GALK2: variants seen among roughly 807,000 people sequenced by gnomAD.
The protein encoded by GALK2 is galactokinase 2, also known as N-acetylgalactosamine kinase.
Under a neutral mutation model 52.4 loss-of-function variants are expected in GALK2, and 36 were observed. The observed-to-expected ratio is 0.69, with a 90% CI of 0.53 to 0.91. The LOEUF (loss-of-function observed/expected upper bound fraction) is 0.91. GALK2 is among the 40% of genes least tolerant of loss of function. The pLI is 0.00. For missense variants in GALK2, 579 were observed against 559.1 expected (o/e 1.04, Z -0.36); for synonymous variants, 176 against 199.1 (o/e 0.88, Z 0.98).
intron 3 of GALK2, among the ~76,000 whole-genome samples, chr15:49,223,758 G>C (rs1311596713): frequency 6.6e-6 from 1 of 152,098 alleles, no homozygotes; most frequent in African/African-American, 2.4e-5. Context: ...CCTGGTGTAT[G>C]TATACCACAG....
At chr15:49,283,334 G>A (rs948094100) in intron 6 of GALK2, among the ~76,000 whole-genome samples, 1 of 152,152 alleles carries the variant, frequency 6.6e-6, no homozygotes, top group African/African-American at 2.4e-5. Context: ...GTATTTGTCT[G>A]TCTACTAGAC....
At chr15:49,301,535 C>T (rs2035113473) in intron 8 of GALK2, among the ~76,000 whole-genome samples, 1 of 151,682 alleles carries the variant, frequency 6.6e-6, no homozygotes, top group Non-Finnish European at 1.5e-5. Context: ...ATGTATCAAG[C>T]GTATAACTCA....
At chr15:49,187,398 C>T (rs1432393912) in intron 1 of GALK2, among the ~76,000 whole-genome samples, 1 of 152,218 alleles carries the variant, frequency 6.6e-6, no homozygotes, top group Non-Finnish European at 1.5e-5. Context: ...AAAGTTCACA[C>T]AGCACTGGGT....
In GALK2 at chr15:49,331,701, T is replaced by C. The variant is rs1279738406; in HGVS notation, c.*3542T>C. 7 of 893,142 alleles carry C rather than the reference T, an allele frequency of 7.8e-6. No homozygotes were observed. Among genetic ancestry groups the C allele is most frequent in the African/African-American group, 1.6e-5 (1 of 60,806 alleles). The allele number at this position is 893,142 out of a possible 1,614,324, so 55.3% of individuals were successfully genotyped here. ...TGTAATTTGGGTGTGCCACCATACA[T>C]TGCTTATGAAATATTGTCCAGTCTA... is the stretch of plus-strand genomic sequence containing the variant. On this transcript the variant is annotated 3_prime_UTR_variant, in exon 10 of 10. Coordinates refer to ENST00000560031, the MANE Select transcript of GALK2 (RefSeq NM_002044.4).
chr15:49,303,162 AT>A (rs1446738417), intron 8 of GALK2, among the ~76,000 whole-genome samples: 1 of 152,184 alleles, frequency 6.6e-6, no homozygotes, highest in East Asian at 1.9e-4. Context: ...GGGAAAAAAA[AT>A]GGGCTTACCT....
intron 3 of GALK2, among the ~76,000 whole-genome samples, chr15:49,339,041 A>C (rs1191577327): frequency 6.6e-6 from 1 of 151,892 alleles, no homozygotes; most frequent in Admixed American, 6.6e-5. Flanking sequence ...ACCTTTTTTC[A>C]AGGTTCTTAG....
At position 49,331,729 on chromosome 15, in the gene GALK2, T is replaced by C. The variant is rs1205446113; in HGVS notation, c.*3570T>C. ...CTTATGAAATATTGTCCAGTCTATA[T>C]AAAAGAAGCTAGAGAGAGAATTCTC... is the stretch of plus-strand genomic sequence containing the variant. On this transcript the variant is annotated 3_prime_UTR_variant, in exon 10 of 10. Coordinates refer to ENST00000560031, the MANE Select transcript of GALK2 (RefSeq NM_002044.4). The C allele has an allele frequency of 5.3e-6, 6 of 1,132,752 alleles. No individual in the cohort carries two copies. Among genetic ancestry groups the C allele is most frequent in the Middle Eastern group, 2.0e-4 (1 of 5,106 alleles). 70.2% of individuals were successfully genotyped at this position (1,132,752 alleles called of 1,614,324 possible).
At chr15:49,235,742 A>G (rs1245472768) in intron 3 of GALK2, 109 bp from the exon 4 acceptor site, 3 of 796,286 alleles carry the variant, frequency 3.8e-6, no homozygotes, top group South Asian at 2.7e-5. Flanking sequence ...CATAAAAGGT[A>G]AAGGAGAGTC....
At chr15:49,352,873 T>A (rs969139081) in intron 3 of GALK2, among the ~76,000 whole-genome samples, 1 of 152,182 alleles carries the variant, frequency 6.6e-6, no homozygotes, top group Non-Finnish European at 1.5e-5. Flanking sequence ...AATATCCTCC[T>A]GGAATTTCTT....
At chr15:49,234,551 C>A (rs537657847) in intron 3 of GALK2, among the ~76,000 whole-genome samples, 10 of 152,240 alleles carry the variant, frequency 6.6e-5, no homozygotes, top group African/African-American at 2.4e-4. Context: ...TCACATCTTA[C>A]ATGGCAGCGG....
intron 3 of GALK2, among the ~76,000 whole-genome samples, chr15:49,232,439 T>A (rs1461680997): frequency 1.3e-5 from 2 of 152,204 alleles, no homozygotes; most frequent in Non-Finnish European, 2.9e-5. Flanking sequence ...GTTTCTGAAA[T>A]GCTTTGAAAG....
intron 3 of GALK2, chr15:49,364,984 G>A (rs2044877471): frequency 7.6e-6 from 3 of 396,410 alleles, no homozygotes; most frequent in Admixed American, 8.4e-5. Flanking sequence ...TGATGTAACT[G>A]TCAGTACCAG....
At chr15:49,161,966 G>C (rs538956934) in intron 1 of GALK2, 1 of 152,288 alleles carries the variant, frequency 6.6e-6, no homozygotes, top group Admixed American at 6.6e-5. Flanking sequence ...TGATCCACTC[G>C]CCTTGGCCTC....
chr15:49,341,123 G>A (rs1257379873), intron 3 of GALK2, among the ~76,000 whole-genome samples: 1 of 152,144 alleles, frequency 6.6e-6, no homozygotes, highest in African/African-American at 2.4e-5. Context: ...ATCAGTCTAT[G>A]TGTCTGTTGT....
chr15:49,306,563 A>T (rs554884637), intron 8 of GALK2, among the ~76,000 whole-genome samples: 1 of 152,148 alleles, frequency 6.6e-6, no homozygotes, highest in Admixed American at 6.5e-5. Flanking sequence ...TTATTCCCTT[A>T]TGTATTTTTC....
chr15:49,220,161 G>A (rs2089692950), intron 3 of GALK2, among the ~76,000 whole-genome samples: 1 of 147,106 alleles, frequency 6.8e-6, no homozygotes, highest in African/African-American at 2.5e-5. Flanking sequence ...ACAATACATG[G>A]TTGATAACTA....
At chr15:49,184,336 T>C (rs3098616) in intron 1 of GALK2, among the ~76,000 whole-genome samples, 88,628 of 151,168 alleles carry the variant, frequency 0.59, 26,079 homozygotes, top group Middle Eastern at 0.66. Context: ...TTTTTTCATC[T>C]GTTTTCTTTT....
rs775073135 is a variant in GALK2, at chr15:49,330,510, G to C, written c.*2351G>C. The C allele has an allele frequency of 2.0e-5, 3 of 152,252 alleles. No homozygotes were observed. Among genetic ancestry groups the C allele is most frequent in the Admixed American group, 6.5e-5 (1 of 15,296 alleles). 9.4% of individuals were successfully genotyped at this position (152,252 alleles called of 1,614,324 possible). On this transcript the variant is annotated 3_prime_UTR_variant, in exon 10 of 10. Transcript: ENST00000560031. ...ACTACTTGTCCAACATTTCTACAGG[G>C]CATCAATGAACTAGGGCTGAGATAG...
intron 3 of GALK2, among the ~76,000 whole-genome samples, chr15:49,232,180 A>G (rs1261472178): frequency 6.6e-6 from 1 of 152,174 alleles, no homozygotes; most frequent in East Asian, 1.9e-4. Flanking sequence ...CGAAGCCTTA[A>G]CTCTTGCACT....
Sources: allele counts gnomAD v4.1 joint callset (sites outside exome capture counted in the v4.1 genomes callset), GRCh38; gene constraint gnomAD v4.1.1; transcripts MANE v1.5; gene names NCBI Gene and HGNC (gene_info 2026-07-23, HGNC 2026-07-21).